CCDC166: variants seen among roughly 807,000 people sequenced by gnomAD.
CCDC166 encodes the protein coiled-coil domain-containing protein 166.
CCDC166 carries 17 observed loss-of-function variants against 14.4 expected under a neutral mutation model. The ratio of observed to expected loss-of-function variants is 1.18; its 90% CI spans 0.81 to 1.77. The LOEUF is 1.77. Ranked by LOEUF, CCDC166 falls within the 40% of genes most tolerant of loss-of-function variation. The pLI is 0.00. For synonymous variants in CCDC166, 336 were observed against 330.1 expected, an observed-to-expected ratio of 1.02 and a Z score of -0.20; for missense variants, 738 against 665.8, an observed-to-expected ratio of 1.11 and a Z score of -1.19.
rs1817574465 is a variant in CCDC166, at chr8:143,707,981, C to T, written c.129G>A (p.Glu43=). ...CGCTCTCCTCGCAGGTGTCCAGCTG[C>T]TCCGAGAGCAGCGCGTGTTCGCGTT... ...YLQREHALLS[E]QLDTCEESVD... The change falls in exon 1 of 2, where the codon GAG becomes GAA. Residue 43 remains glutamate, a synonymous_variant. Coordinates refer to ENST00000542437, the MANE Select transcript of CCDC166 (RefSeq NM_001162914.1). The surrounding 1 kb of genome is among the most constrained non-coding windows in gnomAD (Gnocchi z 8.0). 4 of 1,531,848 alleles carry T rather than the reference C, an allele frequency of 2.6e-6. No homozygotes were observed. The highest frequency in any genetic ancestry group is 2.7e-5 in the African/African-American group (2 of 73,012). The allele number at this position is 1,531,848 out of a possible 1,614,324, so 94.9% of individuals were successfully genotyped here.
chr8:143,707,334 A>G lies in CCDC166; in HGVS notation c.680T>C (p.Leu227Pro), dbSNP rs1299231756. The G allele has an allele frequency of 7.1e-7, 1 of 1,408,802 alleles. No individual in the cohort carries two copies. Among genetic ancestry groups the G allele is most frequent in the Non-Finnish European group, 9.2e-7 (1 of 1,087,008 alleles). 87.3% of individuals were successfully genotyped at this position (1,408,802 alleles called of 1,614,324 possible). A position where few individuals can be genotyped will look rare whatever the true frequency, so the allele number is the denominator to read the frequency against. ...TQAIKADNGRLRQELLLLLRR... is the reference protein window; with the variant it reads ...TQAIKADNGRPRQELLLLLRR... Reference sequence around the variant, plus strand: ...GAGCAGCAGCAGCAGCTCCTGCCGCAGGCGTCCGTTGTCCGCTTTGATGGC... The same window carrying G: ...GAGCAGCAGCAGCAGCTCCTGCCGCGGGCGTCCGTTGTCCGCTTTGATGGC... Residue 227 changes from leucine (L) to proline (P), a missense_variant, in exon 2 of 2, where the codon CTG becomes CCG. Physicochemically the swap from Leu to Pro is moderately conservative, Grantham distance 98. Transcript: ENST00000542437. This position sits in a 1 kb window ranked among gnomAD's most constrained non-coding sequence, Gnocchi z 8.0.
In CCDC166 at chr8:143,707,882, G is replaced by A. The variant is rs373699238; in HGVS notation, c.228C>T (p.Tyr76=). The change falls in exon 1 of 2, where the codon TAC becomes TAT. Residue 76 remains tyrosine, a synonymous_variant. Transcript: ENST00000542437. This position sits in a 1 kb window ranked among gnomAD's most constrained non-coding sequence, Gnocchi z 8.0. ...ALRLREENRL[Y]ASYVSARAQR... ...GGGCGCGCGCGCTCACGTAGCTGGC[G>A]TAGAGCCGGTTCTCCTCGCGCAGGC... is the stretch of plus-strand genomic sequence containing the variant. The A allele has an allele frequency of 2.6e-6, 4 of 1,538,050 alleles. No homozygotes were observed. The highest frequency in any genetic ancestry group is 1.7e-6 in the Non-Finnish European group (2 of 1,146,480).
In CCDC166 at chr8:143,706,812, G is replaced by C. The variant is rs781783176; in HGVS notation, c.1202C>G (p.Ser401Cys). 1.9e-6 allele frequency: 3 copies of C among 1,551,036 alleles called. No homozygotes were observed. In the South Asian group the frequency reaches 3.6e-5, roughly 18 times the overall value. The change falls in exon 2 of 2, where the codon TCT becomes TGT. Residue 401 changes from serine (S) to cysteine (C), a missense_variant. Transcript: ENST00000542437. ...CAGGCCAGAGAGAAGCTTGGGGCCA[G>C]ACTTCGTGGAGCGGAGAGTGTCCTG... ...SSQDTLRSTK[S>C]GPKLLSGLSR...
chr8:143,707,191 C>T lies in CCDC166; in HGVS notation c.823G>A (p.Gly275Ser). 7.2e-7 allele frequency: 1 copy of T among 1,384,318 alleles called. No homozygotes were observed. The highest frequency in any genetic ancestry group is 1.5e-5 in the African/African-American group (1 of 65,112). The allele number at this position is 1,384,318 out of a possible 1,614,324, so 85.8% of individuals were successfully genotyped here. A position where few individuals can be genotyped will look rare whatever the true frequency, so the allele number is the denominator to read the frequency against. The change falls in exon 2 of 2, where the codon GGC (glycine) becomes AGC (serine). Residue 275 changes from glycine (G) to serine (S), a missense_variant. Gly to Ser is a moderately conservative substitution (Grantham distance 56). Transcript: ENST00000542437. The surrounding 1 kb of genome is among the most constrained non-coding windows in gnomAD (Gnocchi z 8.0). ...LARVHGWLRR[G>S]PGGPPLWERP... ...TCCCAGAGCGGCGGGCCTCCGGGGCCCCTGCGCAGCCAGCCGTGCACACGC... is the reference window on the plus strand; with the variant it reads ...TCCCAGAGCGGCGGGCCTCCGGGGCTCCTGCGCAGCCAGCCGTGCACACGC...
In CCDC166 at chr8:143,708,103, G is replaced by A. The variant is rs1817578271; in HGVS notation, c.7C>T (p.Pro3Ser). Residue 3 changes from proline (P) to serine (S), a missense_variant, in exon 1 of 2, where the codon CCC (proline) becomes TCC (serine). Transcript: ENST00000542437. ...GCGCTCGGCCCGCGCTTTTTCTTGG[G>A]CGCCATGGGTTGGTGCCTGGACCAC... MAPKKKRGPSAGS... is the reference protein window; with the variant it reads MASKKKRGPSAGS... 2.1e-6 allele frequency: 3 copies of A among 1,436,126 alleles called. No individual in the cohort carries two copies. Among genetic ancestry groups the A allele is most frequent in the Non-Finnish European group, 2.7e-6 (3 of 1,097,530 alleles). The allele number at this position is 1,436,126 out of a possible 1,614,324, so 89.0% of individuals were successfully genotyped here.
rs1186267593 is a variant in CCDC166 at position 143,707,653 on chromosome 8, C to T, written c.444+13G>A. 8 of 1,383,256 alleles carry T rather than the reference C, an allele frequency of 5.8e-6. No homozygotes were observed. Among genetic ancestry groups the T allele is most frequent in the Non-Finnish European group, 7.4e-6 (8 of 1,075,766 alleles). The allele number at this position is 1,383,256 out of a possible 1,614,324, so 85.7% of individuals were successfully genotyped here. ...CGCCCCGCCTCACCCCGGCCGCGGG[C>T]GGGCTCACTGGCCTTGTAGGGCTGC... On this transcript the variant is annotated intron_variant, in intron 1 of 1. Coordinates refer to ENST00000542437, the MANE Select transcript of CCDC166 (RefSeq NM_001162914.1). The surrounding 1 kb of genome is among the most constrained non-coding windows in gnomAD (Gnocchi z 8.0).
In CCDC166 at chr8:143,707,508, C is replaced by A; in HGVS notation, c.506G>T (p.Arg169Leu). Residue 169 changes from arginine to leucine, a missense_variant, in exon 2 of 2, where the codon CGC (arginine) becomes CTC (leucine). Coordinates refer to ENST00000542437, the MANE Select transcript of CCDC166 (RefSeq NM_001162914.1). The surrounding 1 kb of genome is among the most constrained non-coding windows in gnomAD (Gnocchi z 8.0). ...GTGGAGCAGCTGCGTGTGCTCCACG[C>A]GCATATGCAGCAGCTCGCGCTCCAG... ...RALERELLHM[R>L]VEHTQLLHRV... is the part of the protein sequence containing the mutation. 1.4e-6 allele frequency: 2 copies of A among 1,416,858 alleles called. No homozygotes were observed. The highest frequency in any genetic ancestry group is 1.8e-6 in the Non-Finnish European group (2 of 1,091,706). The allele number at this position is 1,416,858 out of a possible 1,614,324, so 87.8% of individuals were successfully genotyped here.
chr8:143,707,537 C>G lies in CCDC166; in HGVS notation c.477G>C (p.Arg159=), dbSNP rs1464774062. 3 of 1,364,410 alleles carry G rather than the reference C, an allele frequency of 2.2e-6. No individual in the cohort carries two copies. The highest frequency in any genetic ancestry group is 2.8e-6 in the Non-Finnish European group (3 of 1,062,398). The allele number at this position is 1,364,410 out of a possible 1,614,324, so 84.5% of individuals were successfully genotyped here. A position where few individuals can be genotyped will look rare whatever the true frequency, so the allele number is the denominator to read the frequency against. The change falls in exon 2 of 2, where the codon CGG becomes CGC. Residue 159 remains arginine, a synonymous_variant. Coordinates refer to ENST00000542437, the MANE Select transcript of CCDC166 (RefSeq NM_001162914.1). The surrounding 1 kb of genome is among the most constrained non-coding windows in gnomAD (Gnocchi z 8.0). ...TATGCAGCAGCTCGCGCTCCAGCGC[C>G]CGGATCCGGGCCAGCTGCTCCAGCT... ...VLQLEQLARI[R]ALERELLHMR...
chr8:143,707,689 C>T lies in CCDC166; in HGVS notation c.421G>A (p.Val141Met). The T allele has an allele frequency of 1.4e-6, 2 of 1,478,360 alleles. No individual in the cohort carries two copies. Among genetic ancestry groups the T allele is most frequent in the Non-Finnish European group, 1.8e-6 (2 of 1,115,230 alleles). 91.6% of individuals were successfully genotyped at this position (1,478,360 alleles called of 1,614,324 possible). ...GCCTTGTAGGGCTGCAGCTCTTGCA[C>T]CTGCTGTGCCATCTGTGCCGCGCGC... The part of the protein sequence containing the change: ...EARAAQMAQQ[V>M]QELQPYKVLQ... Residue 141 changes from valine (V) to methionine (M), a missense_variant, in exon 1 of 2, where the codon GTG (valine) becomes ATG (methionine). Val to Met is a conservative substitution (Grantham distance 21). Transcript: ENST00000542437. The surrounding 1 kb of genome is among the most constrained non-coding windows in gnomAD (Gnocchi z 8.0).
In CCDC166 at chr8:143,707,984, C is replaced by T. The variant is rs782311634; in HGVS notation, c.126G>A (p.Ser42=). Residue 42 remains serine (S), a synonymous_variant, in exon 1 of 2, where the codon TCG becomes TCA. Coordinates refer to ENST00000542437, the MANE Select transcript of CCDC166 (RefSeq NM_001162914.1). This position sits in a 1 kb window ranked among gnomAD's most constrained non-coding sequence, Gnocchi z 8.0. The part of the protein sequence containing the change: ...QYLQREHALL[S]EQLDTCEESV... ...TCTCCTCGCAGGTGTCCAGCTGCTC[C>T]GAGAGCAGCGCGTGTTCGCGTTGCA... 7.8e-6 allele frequency: 12 copies of T among 1,531,314 alleles called. No individual in the cohort carries two copies. Among genetic ancestry groups the T allele is most frequent in the African/African-American group, 1.4e-5 (1 of 72,990 alleles). The allele number at this position is 1,531,314 out of a possible 1,614,324, so 94.9% of individuals were successfully genotyped here.
Position 143,707,151 on chromosome 8 carries a change from G to C in CCDC166, c.863C>G (p.Ser288Cys). ...GPPLWERPAF[S>C]QPTSRPGSLA... ...TGACCCGGGGCGCGAGGTGGGCTGG[G>C]AGAAGGCCGGCCGCTCCCAGAGCGG... The change falls in exon 2 of 2, where the codon TCC becomes TGC. Residue 288 changes from serine to cysteine, a missense_variant. Ser to Cys is a moderately radical substitution (Grantham distance 112). Transcript: ENST00000542437. The surrounding 1 kb of genome is among the most constrained non-coding windows in gnomAD (Gnocchi z 8.0). The C allele has an allele frequency of 1.4e-6, 2 of 1,419,332 alleles. No homozygotes were observed. The highest frequency in any genetic ancestry group is 3.2e-5 in the Admixed American group (1 of 31,526). The allele number at this position is 1,419,332 out of a possible 1,614,324, so 87.9% of individuals were successfully genotyped here.
At position 143,706,738 on chromosome 8, in the gene CCDC166, C is replaced by T. The variant is rs781973477; in HGVS notation, c.1276G>A (p.Val426Met). Residue 426 changes from valine to methionine, a missense_variant, in exon 2 of 2, where the codon GTG (valine) becomes ATG (methionine). Physicochemically the swap from Val to Met is conservative, Grantham distance 21. Transcript: ENST00000542437. ...GCTTCTGCCGCAGCTTCAGCGTTCA[C>T]GCTGTCCTCCGACTGTGGGGGGAGA... ...ALLPPQSEDS[V>M]NAEAAAEASP... The T allele has an allele frequency of 3.9e-6, 6 of 1,549,864 alleles. No individual in the cohort carries two copies. Among genetic ancestry groups the T allele is most frequent in the African/African-American group, 2.7e-5 (2 of 73,062 alleles).
rs1418982562 is a variant in CCDC166 at position 143,707,347 on chromosome 8, C to A, written c.667G>T (p.Asp223Tyr). The A allele has an allele frequency of 2.1e-6, 3 of 1,406,490 alleles. No individual in the cohort carries two copies. The highest frequency in any genetic ancestry group is 2.8e-6 in the Non-Finnish European group (3 of 1,085,824). The allele number at this position is 1,406,490 out of a possible 1,614,324, so 87.1% of individuals were successfully genotyped here. A position where few individuals can be genotyped will look rare whatever the true frequency, so the allele number is the denominator to read the frequency against. Residue 223 changes from aspartate (D) to tyrosine (Y), a missense_variant, in exon 2 of 2, where the codon GAC becomes TAC. Coordinates refer to ENST00000542437, the MANE Select transcript of CCDC166 (RefSeq NM_001162914.1). The surrounding 1 kb of genome is among the most constrained non-coding windows in gnomAD (Gnocchi z 8.0). ...LVAHTQAIKA[D>Y]NGRLRQELLL... ...AGCTCCTGCCGCAGGCGTCCGTTGTCCGCTTTGATGGCCTGCGTGTGCGCC... is the reference window on the plus strand; with the variant it reads ...AGCTCCTGCCGCAGGCGTCCGTTGTACGCTTTGATGGCCTGCGTGTGCGCC...
In CCDC166 at chr8:143,706,905, G is replaced by A; in HGVS notation, c.1109C>T (p.Ala370Val). The stretch of plus-strand genomic sequence containing the variant: ...CTCGAGTGACTGCACCAGCGACAGG[G>A]CCCGGGAGCCTGCGCGCGAAGCGGT... Reference protein sequence around the residue: ...SLTASRAGSRALSLVQSLEGS... With the variant: ...SLTASRAGSRVLSLVQSLEGS... Residue 370 changes from alanine to valine, a missense_variant, in exon 2 of 2, where the codon GCC (alanine) becomes GTC (valine). Coordinates refer to ENST00000542437, the MANE Select transcript of CCDC166 (RefSeq NM_001162914.1). 1.3e-6 allele frequency: 2 copies of A among 1,550,356 alleles called. No homozygotes were observed. The highest frequency in any genetic ancestry group is 1.7e-6 in the Non-Finnish European group (2 of 1,146,918).
rs1374606442 is a variant in CCDC166 at position 143,707,144 on chromosome 8, G to A, written c.870C>T (p.Pro290=). ...CGGCTAATGACCCGGGGCGCGAGGT[G>A]GGCTGGGAGAAGGCCGGCCGCTCCC... ...PLWERPAFSQ[P]TSRPGSLAAP... is the part of the protein sequence containing the mutation. The change falls in exon 2 of 2, where the codon CCC becomes CCT. Residue 290 remains proline, a synonymous_variant. Coordinates refer to ENST00000542437, the MANE Select transcript of CCDC166 (RefSeq NM_001162914.1). The surrounding 1 kb of genome is among the most constrained non-coding windows in gnomAD (Gnocchi z 8.0). 2.7e-5 allele frequency: 38 copies of A among 1,431,988 alleles called. No individual in the cohort carries two copies. Among genetic ancestry groups the A allele is most frequent in the Non-Finnish European group, 3.4e-5 (37 of 1,103,112 alleles). 88.7% of individuals were successfully genotyped at this position (1,431,988 alleles called of 1,614,324 possible).
rs1458703359 is a variant in CCDC166 at position 143,706,695 on chromosome 8, C to A, written c.1319G>T (p.Ter440LeuextTer?). 8.4e-6 allele frequency: 13 copies of A among 1,538,806 alleles called. No individual in the cohort carries two copies. Among genetic ancestry groups the A allele is most frequent in the Admixed American group, 2.0e-5 (1 of 50,682 alleles). Reference sequence around the variant, plus strand: ...TCCTGGGCCTCACTCTCTGCAGGTTCAGGCTCTACCCGGGGAGGCTTCTGC... The same window carrying A: ...TCCTGGGCCTCACTCTCTGCAGGTTAAGGCTCTACCCGGGGAGGCTTCTGC... ...AAAEASPGRA[*>L] is the part of the protein sequence containing the mutation. Residue 440 changes from the stop codon to leucine, a stop_lost, in exon 2 of 2, where the codon TGA (stop) becomes TTA (leucine). Transcript: ENST00000542437.
Position 143,707,257 on chromosome 8 carries a change from C to G in CCDC166, c.757G>C (p.Glu253Gln). The change falls in exon 2 of 2, where the codon GAG (glutamate) becomes CAG (glutamine). Residue 253 changes from glutamate (E) to glutamine (Q), a missense_variant. Transcript: ENST00000542437. The surrounding 1 kb of genome is among the most constrained non-coding windows in gnomAD (Gnocchi z 8.0). The part of the protein sequence containing the change: ...HTRRQLLEQR[E>Q]QLHREHEDTR... ...TCCTCGTGCTCGCGGTGCAGTTGCT[C>G]GCGCTGTTCCAGCAGCTGGCGCCGC... is the stretch of plus-strand genomic sequence containing the variant. 1 of 1,450,092 alleles carries G rather than the reference C, an allele frequency of 6.9e-7. No homozygotes were observed. The highest frequency in any genetic ancestry group is 9.0e-7 in the Non-Finnish European group (1 of 1,105,996). 89.8% of individuals were successfully genotyped at this position (1,450,092 alleles called of 1,614,324 possible). A position where few individuals can be genotyped will look rare whatever the true frequency, so the allele number is the denominator to read the frequency against.
chr8:143,707,162 C>T lies in CCDC166; in HGVS notation c.852G>A (p.Arg284=). 1 of 1,406,194 alleles carries T rather than the reference C, an allele frequency of 7.1e-7. No homozygotes were observed. Among genetic ancestry groups the T allele is most frequent in the South Asian group, 1.6e-5 (1 of 64,208 alleles). The allele number at this position is 1,406,194 out of a possible 1,614,324, so 87.1% of individuals were successfully genotyped here. ...RGPGGPPLWE[R]PAFSQPTSRP... is the part of the protein sequence containing the mutation. ...GCGAGGTGGGCTGGGAGAAGGCCGG[C>T]CGCTCCCAGAGCGGCGGGCCTCCGG... is the stretch of plus-strand genomic sequence containing the variant. The change falls in exon 2 of 2, where the codon CGG becomes CGA. Residue 284 remains arginine, a synonymous_variant. Transcript: ENST00000542437. This position sits in a 1 kb window ranked among gnomAD's most constrained non-coding sequence, Gnocchi z 8.0.
chr8:143,707,997 T>A lies in CCDC166; in HGVS notation c.113A>T (p.His38Leu), dbSNP rs1554617007. The stretch of plus-strand genomic sequence containing the variant: ...GTCCAGCTGCTCCGAGAGCAGCGCG[T>A]GTTCGCGTTGCAGGTACTGCGCGCG... ...SERAQYLQRE[H>L]ALLSEQLDTC... The change falls in exon 1 of 2, where the codon CAC (histidine) becomes CTC (leucine). Residue 38 changes from histidine to leucine, a missense_variant. Physicochemically the swap from His to Leu is moderately conservative, Grantham distance 99 (BLOSUM62 -3). Transcript: ENST00000542437. The surrounding 1 kb of genome is among the most constrained non-coding windows in gnomAD (Gnocchi z 8.0). The A allele has an allele frequency of 6.5e-7, 1 of 1,527,936 alleles. No individual in the cohort carries two copies. Among genetic ancestry groups the A allele is most frequent in the Non-Finnish European group, 8.8e-7 (1 of 1,140,538 alleles). The allele number at this position is 1,527,936 out of a possible 1,614,324, so 94.6% of individuals were successfully genotyped here.
Sources: allele counts gnomAD v4.1 joint callset, GRCh38; gene constraint gnomAD v4.1.1; non-coding constraint Gnocchi (gnomAD v3.1); transcripts MANE v1.5; gene names NCBI Gene and HGNC (gene_info 2026-07-23, HGNC 2026-07-21).